AATK: variants seen among roughly 807,000 people sequenced by gnomAD.
AATK encodes serine/threonine-protein kinase LMTK1.
AATK carries 91 observed loss-of-function variants against 114.3 expected under a neutral mutation model. The ratio of observed to expected loss-of-function variants is 0.80; its 90% CI spans 0.67 to 0.95. The LOEUF is 0.95. Among genes scored for constraint, AATK ranks in the 40% least tolerant of loss-of-function variants. The pLI, the probability that AATK is intolerant of heterozygous loss-of-function variation, is 0.00. For synonymous variants in AATK, 1,075 were observed against 916.5 expected, an observed-to-expected ratio of 1.17 and a Z score of -3.12; for missense variants, 2,176 against 1,965.2, an observed-to-expected ratio of 1.11 and a Z score of -2.03.
At chr17:81,156,049 T>C (rs1417152679) in intron 1 of AATK, among the ~76,000 whole-genome samples, 1 of 152,066 alleles carries the variant, frequency 6.6e-6, no homozygotes, top group Non-Finnish European at 1.5e-5. Context: ...CAACAATGTA[T>C]GTTACCATGT....
rs1598919880 is a variant in AATK, at chr17:81,126,864, G to T, written c.622-304C>A. 1 of 1,208,852 alleles carries T rather than the reference G, an allele frequency of 8.3e-7. No individual in the cohort carries two copies. Among genetic ancestry groups the T allele is most frequent in the East Asian group, 3.7e-5 (1 of 26,770 alleles). 74.9% of individuals were successfully genotyped at this position (1,208,852 alleles called of 1,614,324 possible). ...AGGGCCCAAGTGGATCTGCTTGATG[G>T]AGTCTGGGGCTGGTGGTCGAGGGTT... On this transcript the variant is annotated intron_variant, in intron 6 of 13. Transcript: ENST00000326724. The surrounding 1 kb of genome is among the most constrained non-coding windows in gnomAD (Gnocchi z 5.1).
At chr17:81,138,913 A>G (rs910012864) in intron 1 of AATK, among the ~76,000 whole-genome samples, 4 of 151,478 alleles carry the variant, frequency 2.6e-5, no homozygotes, top group African/African-American at 9.7e-5. Flanking sequence ...ACACATGCGT[A>G]GACAGATACC....
chr17:81,119,937 C>T lies in AATK; in HGVS notation c.3882G>A (p.Glu1294=), dbSNP rs775822595. 15 of 1,441,388 alleles carry T rather than the reference C, an allele frequency of 1.0e-5. No homozygotes were observed. The highest frequency in any genetic ancestry group is 1.8e-4 in the Middle Eastern group (1 of 5,440). 89.3% of individuals were successfully genotyped at this position (1,441,388 alleles called of 1,614,324 possible). Reference sequence around the variant, plus strand: ...GGGCCCAGCCCCGCCCCTGCTCACCCTCTTCCGCTGTGGAGCCATTTGGGG... The same window carrying T: ...GGGCCCAGCCCCGCCCCTGCTCACCTTCTTCCGCTGTGGAGCCATTTGGGG... ...DGSPNGSTAE[E]GGGFAWDDDF... The change falls in exon 12 of 14, where the codon GAG becomes GAA. Residue 1294 remains glutamate (E), a splice_region_variant and synonymous_variant. Coordinates refer to ENST00000326724, the MANE Select transcript of AATK (RefSeq NM_001080395.3).
At position 81,126,850 on chromosome 17, in the gene AATK, G is replaced by A. The variant is rs1332717472; in HGVS notation, c.622-290C>T. On this transcript the variant is annotated intron_variant, in intron 6 of 13. Transcript: ENST00000326724. The surrounding 1 kb of genome is among the most constrained non-coding windows in gnomAD (Gnocchi z 5.1). ...AGAGAGAGAAACACAGGGCCCAAGT[G>A]GATCTGCTTGATGGAGTCTGGGGCT... 4 of 1,245,634 alleles carry A rather than the reference G, an allele frequency of 3.2e-6. No individual in the cohort carries two copies. The highest frequency in any genetic ancestry group is 1.5e-5 in the African/African-American group (1 of 66,118). The allele number at this position is 1,245,634 out of a possible 1,614,324, so 77.2% of individuals were successfully genotyped here.
intron 2 of AATK, chr17:81,132,039 A>C: frequency 7.7e-7 from 1 of 1,303,214 alleles, no homozygotes; most frequent in Non-Finnish European, 1.0e-6. Flanking sequence ...GCTATTTTGA[A>C]ATGTAGAGGC....
chr17:81,133,296 G>A (rs780350535), intron 2 of AATK: 5 of 452,462 alleles, frequency 1.1e-5, no homozygotes, highest in Admixed American at 2.5e-5. Flanking sequence ...CACCTGCCAG[G>A]CCAGCGGGAC....
chr17:81,120,467 G>A lies in AATK; in HGVS notation c.3469C>T (p.Arg1157Trp), dbSNP rs772731013. The part of the protein sequence containing the change: ...LPGLPAALEG[R>W]PEEEEEDSED... The stretch of plus-strand genomic sequence containing the variant: ...CTGTCCTCCTCCTCCTCCTCCGGCC[G>A]GCCCTCCAAGGCCGCAGGGAGGCCG... The change falls in exon 11 of 14, where the codon CGG (arginine) becomes TGG (tryptophan). Residue 1157 changes from arginine (R) to tryptophan (W), a missense_variant. Physicochemically the swap from Arg to Trp is moderately radical, Grantham distance 101. Transcript: ENST00000326724. 6.5e-6 allele frequency: 10 copies of A among 1,530,246 alleles called. No homozygotes were observed. The highest frequency in any genetic ancestry group is 4.8e-5 in the East Asian group (2 of 41,934). 94.8% of individuals were successfully genotyped at this position (1,530,246 alleles called of 1,614,324 possible).
In AATK at chr17:81,118,282, C is replaced by T; in HGVS notation, c.*120G>A. 9.3e-7 allele frequency: 1 copy of T among 1,070,954 alleles called. No individual in the cohort carries two copies. Among genetic ancestry groups the T allele is most frequent in the Non-Finnish European group, 1.4e-6 (1 of 731,032 alleles). The allele number at this position is 1,070,954 out of a possible 1,614,324, so 66.3% of individuals were successfully genotyped here. On this transcript the variant is annotated 3_prime_UTR_variant, in exon 14 of 14. Coordinates refer to ENST00000326724, the MANE Select transcript of AATK (RefSeq NM_001080395.3). ...CAGGACACCGCGTGGGGCAGAGGCA[C>T]CTGAATCTGCTGCCAACAGCCACCA...
At chr17:81,148,367 T>C (rs1446677587) in intron 1 of AATK, among the ~76,000 whole-genome samples, 1 of 152,166 alleles carries the variant, frequency 6.6e-6, no homozygotes, top group Non-Finnish European at 1.5e-5. Context: ...CACTTGCTCC[T>C]CCACCCTGAC....
chr17:81,143,274 C>T (rs562773056), intron 1 of AATK, among the ~76,000 whole-genome samples: 12 of 152,216 alleles, frequency 7.9e-5, no homozygotes, highest in African/African-American at 2.4e-4. Flanking sequence ...GCAGCCTGTG[C>T]GGGACCCTGG....
intron 2 of AATK, among the ~76,000 whole-genome samples, chr17:81,133,898 G>A (rs1435957782): frequency 6.6e-6 from 1 of 152,184 alleles, no homozygotes; most frequent in Non-Finnish European, 1.5e-5. Flanking sequence ...ACTCCAACTG[G>A]CAAGAAGGTC....
intron 13 of AATK, among the ~76,000 whole-genome samples, 194 bp from the exon 14 acceptor site, chr17:81,118,636 C>A (rs1028036221): frequency 5.9e-5 from 9 of 152,262 alleles, no homozygotes; most frequent in African/African-American, 2.2e-4. Context: ...CAACAACTCT[C>A]AGCAAATGCC....
Position 81,121,185 on chromosome 17 carries a change from A to C in AATK, c.2751T>G (p.Tyr917Ter). 1 of 1,603,134 alleles carries C rather than the reference A, an allele frequency of 6.2e-7. No homozygotes were observed. The highest frequency in any genetic ancestry group is 1.1e-5 in the South Asian group (1 of 89,328). Residue 917 changes from tyrosine (Y) to a stop codon, truncating the protein, a stop_gained, in exon 11 of 14, where the codon TAT (tyrosine) becomes TAG (stop). Transcript: ENST00000326724. LOFTEE classifies it high-confidence loss of function. ...CAGTGGCCGACGGGCTGAAGACCTCATAGCCACCATCACTGGCTGAGGACG... is the reference window on the plus strand; with the variant it reads ...CAGTGGCCGACGGGCTGAAGACCTCCTAGCCACCATCACTGGCTGAGGACG... ...DIPSSASDGG[Y>*]EVFSPSATGP... is the part of the protein sequence containing the mutation.
Position 81,117,671 on chromosome 17 carries a change from C to T in AATK, c.*731G>A. 6.6e-6 allele frequency: 1 copy of T among 152,314 alleles called. No homozygotes were observed. Among genetic ancestry groups the T allele is most frequent in the Non-Finnish European group, 1.5e-5 (1 of 68,106 alleles). 9.4% of individuals were successfully genotyped at this position (152,314 alleles called of 1,614,324 possible). A position where few individuals can be genotyped will look rare whatever the true frequency, so the allele number is the denominator to read the frequency against. ...GCCTGCACGGTCCTGCCAAGGGCAC[C>T]TCTAGAACGGGGCCCACGGGGCAGG... On this transcript the variant is annotated 3_prime_UTR_variant, in exon 14 of 14. Coordinates refer to ENST00000326724, the MANE Select transcript of AATK (RefSeq NM_001080395.3).
chr17:81,139,917 G>A (rs2061097688), intron 1 of AATK, among the ~76,000 whole-genome samples: 1 of 152,222 alleles, frequency 6.6e-6, no homozygotes, highest in South Asian at 2.1e-4. Flanking sequence ...CCCATGGTGG[G>A]TAAAATGCAC....
intron 1 of AATK, among the ~76,000 whole-genome samples, chr17:81,159,891 G>A (rs1183557918): frequency 6.6e-6 from 1 of 152,114 alleles, no homozygotes; most frequent in Non-Finnish European, 1.5e-5. Context: ...GACAGGGAGG[G>A]GTCTTCCTGG....
At chr17:81,156,886 G>A (rs1466974350) in intron 1 of AATK, among the ~76,000 whole-genome samples, 1 of 151,294 alleles carries the variant, frequency 6.6e-6, no homozygotes, top group Non-Finnish European at 1.5e-5. Flanking sequence ...AGTCAGGCAC[G>A]AAACTGAGGA....
chr17:81,122,054 C>A lies in AATK; in HGVS notation c.1882G>T (p.Asp628Tyr). 1 of 1,595,426 alleles carries A rather than the reference C, an allele frequency of 6.3e-7. No homozygotes were observed. The highest frequency in any genetic ancestry group is 8.5e-7 in the Non-Finnish European group (1 of 1,177,862). Reference protein sequence around the residue: ...SLAEGGAEDADWGVAAFCPAF... With the variant: ...SLAEGGAEDAYWGVAAFCPAF... ...GGACAGAAGGCGGCCACGCCCCAGT[C>A]TGCATCCTCCGCTCCTCCCTCCGCC... The change falls in exon 11 of 14, where the codon GAC becomes TAC. Residue 628 changes from aspartate to tyrosine, a missense_variant. Transcript: ENST00000326724.
rs1290826380 is a variant in AATK, at chr17:81,124,824, G to A, written c.865C>T (p.Gln289Ter). Reference protein sequence around the residue: ...YREDYFVTADQLWVPLRWIAP... With the variant: ...YREDYFVTAD ...ATCCAGCGCAGAGGCACCCACAGCTGGTCGGCAGTCACGAAGTAGTCCTCC... is the reference window on the plus strand; with the variant it reads ...ATCCAGCGCAGAGGCACCCACAGCTAGTCGGCAGTCACGAAGTAGTCCTCC... Residue 289 changes from glutamine to a stop codon, truncating the protein, a stop_gained, in exon 9 of 14, where the codon CAG (glutamine) becomes TAG (stop). Coordinates refer to ENST00000326724, the MANE Select transcript of AATK (RefSeq NM_001080395.3). LOFTEE classifies it high-confidence loss of function. The A allele has an allele frequency of 6.2e-7, 1 of 1,611,926 alleles. No homozygotes were observed. Among genetic ancestry groups the A allele is most frequent in the African/African-American group, 1.3e-5 (1 of 75,044 alleles).
Sources: allele counts gnomAD v4.1 joint callset (sites outside exome capture counted in the v4.1 genomes callset), GRCh38; gene constraint gnomAD v4.1.1; non-coding constraint Gnocchi (gnomAD v3.1); transcripts MANE v1.5; gene names NCBI Gene and HGNC (gene_info 2026-07-23, HGNC 2026-07-21).